Variants in FNIP2 observed in about 807,000 individuals in gnomAD.
The protein encoded by FNIP2 is folliculin-interacting protein 2.
FNIP2 carries 32 observed loss-of-function variants against 108.7 expected under a neutral mutation model. That is an observed-to-expected ratio of 0.29 (90% CI 0.22 to 0.40). The LOEUF (loss-of-function observed/expected upper bound fraction) is 0.40. Among genes scored for constraint, FNIP2 ranks in the 10% least tolerant of loss-of-function variants. FNIP2 has a pLI of 1.00. For missense variants in FNIP2, 1,202 were observed against 1,381.6 expected (o/e 0.87, Z 2.06); for synonymous variants, 480 against 496.7 (o/e 0.97, Z 0.45).
In FNIP2 at chr4:158,825,961, T is replaced by C; in HGVS notation, c.153T>C (p.Val51=). 5.0e-6 allele frequency: 8 copies of C among 1,609,154 alleles called. No individual in the cohort carries two copies. The highest frequency in any genetic ancestry group is 6.8e-6 in the Non-Finnish European group (8 of 1,175,886). Residue 51 remains valine, a synonymous_variant, in exon 2 of 17, where the codon GTT becomes GTC. Transcript: ENST00000264433. The stretch of plus-strand genomic sequence containing the variant: ...ACCTGAATGAGATTCGCCTGATAGT[T>C]TACCAGGACTGTGACAGGAGAGGCA... The part of the protein sequence containing the change: ...EFDLNEIRLI[V]YQDCDRRGRQ...
At chr4:158,881,113 T>C (rs1781565387) in intron 14 of FNIP2, among the ~76,000 whole-genome samples, 1 of 152,196 alleles carries the variant, frequency 6.6e-6, no homozygotes. Context: ...GTATTAAACT[T>C]ACCAGAATTA....
At position 158,816,071 on chromosome 4, in the gene FNIP2, G is replaced by GTA. The variant is rs144424478; in HGVS notation, c.108-9831_108-9830dup. ...TAGAAGTGAACTTGCTGGGTCACGA[G>GTA]TATATATATATATATTTATTTTAAC... On this transcript the variant is annotated intron_variant, in intron 1 of 16. Transcript: ENST00000264433. Among the ~76,000 whole-genome samples, 787 of 150,850 alleles carry GTA rather than the reference G, an allele frequency of 5.2e-3. 3 individuals carry two copies. In the Middle Eastern group the frequency reaches 0.052, roughly 10 times the overall value.
At position 158,855,742 on chromosome 4, in the gene FNIP2, G is replaced by A. The variant is rs541995234; in HGVS notation, c.858-3315G>A. Among the ~76,000 whole-genome samples the A allele has an allele frequency of 1.1e-4, 17 of 152,246 alleles. 1 individual carries two copies. Among genetic ancestry groups the A allele is most frequent in the East Asian group, 5.8e-4 (3 of 5,174 alleles). ...ATTACAGGCGTGAGCCACTGCACCC[G>A]GCCTAAGATCCCTTCATTTAAAGGA... On this transcript the variant is annotated intron_variant, in intron 8 of 16. Coordinates refer to ENST00000264433, the MANE Select transcript of FNIP2 (RefSeq NM_020840.3).
chr4:158,803,000 A>G (rs1776811903), intron 1 of FNIP2, among the ~76,000 whole-genome samples: 1 of 152,186 alleles, frequency 6.6e-6, no homozygotes, highest in Non-Finnish European at 1.5e-5. Context: ...TACATATACC[A>G]CATGGATTCA....
chr4:158,860,557 CT>C (rs946669395), intron 10 of FNIP2, among the ~76,000 whole-genome samples: 3 of 151,996 alleles, frequency 2.0e-5, no homozygotes, highest in Admixed American at 2.0e-4. Context: ...ATTAGTAAAC[CT>C]TCCATAGTTT....
intron 1 of FNIP2, among the ~76,000 whole-genome samples, chr4:158,786,450 T>C (rs555117602): frequency 3.3e-5 from 5 of 152,316 alleles, no homozygotes; most frequent in Admixed American, 3.3e-4. Context: ...TGGTGTCTCA[T>C]GGCCAGAGTT....
chr4:158,869,493 C>T, intron 13 of FNIP2, 65 bp downstream of exon 13: 1 of 1,477,424 alleles, frequency 6.8e-7, no homozygotes, highest in Non-Finnish European at 8.9e-7. Context: ...GGCCTGACAC[C>T]TGTGATGTTG....
At chr4:158,866,472 C>T (rs1207573246) in intron 12 of FNIP2, among the ~76,000 whole-genome samples, 3 of 151,468 alleles carry the variant, frequency 2.0e-5, no homozygotes, top group African/African-American at 7.3e-5. Context: ...CCCACCTCGG[C>T]CTCCCAAAGT....
intron 1 of FNIP2, among the ~76,000 whole-genome samples, chr4:158,789,103 T>C (rs901545875): frequency 1.3e-5 from 2 of 152,234 alleles, no homozygotes; most frequent in Admixed American, 1.3e-4. Flanking sequence ...AGAAGGAGTT[T>C]GCTGTGCTGC....
intron 1 of FNIP2, among the ~76,000 whole-genome samples, chr4:158,815,527 C>T (rs930977839): frequency 2.6e-5 from 4 of 152,110 alleles, no homozygotes; most frequent in South Asian, 4.2e-4. Flanking sequence ...GGACTACAGG[C>T]GCCCGCCACC....
At chr4:158,777,504 T>C (rs1179777991) in intron 1 of FNIP2, among the ~76,000 whole-genome samples, 3 of 152,188 alleles carry the variant, frequency 2.0e-5, no homozygotes, top group African/African-American at 7.2e-5. Flanking sequence ...GACTAACATA[T>C]CATTAATGGT....
chr4:158,806,975 A>G (rs1293413299), intron 1 of FNIP2, among the ~76,000 whole-genome samples: 1 of 152,228 alleles, frequency 6.6e-6, no homozygotes, highest in Non-Finnish European at 1.5e-5. Context: ...TAGCATACTT[A>G]TAATATTCTT....
intron 14 of FNIP2, among the ~76,000 whole-genome samples, chr4:158,875,272 G>C (rs1210893746): frequency 6.6e-6 from 1 of 151,834 alleles, no homozygotes; most frequent in Admixed American, 6.6e-5. Flanking sequence ...GAGCAGACTG[G>C]ACAGCTCTAA....
At chr4:158,782,490 T>C (rs555544307) in intron 1 of FNIP2, among the ~76,000 whole-genome samples, 1 of 151,952 alleles carries the variant, frequency 6.6e-6, no homozygotes, top group African/African-American at 2.4e-5. Flanking sequence ...ACTATCTCTT[T>C]TTGTATCTTT....
chr4:158,792,310 C>T (rs868821066), intron 1 of FNIP2, among the ~76,000 whole-genome samples: 1 of 152,062 alleles, frequency 6.6e-6, no homozygotes, highest in African/African-American at 2.4e-5. Context: ...AACAGGGTAA[C>T]CCTCTGCTGT....
chr4:158,795,325 T>C (rs1206275134), intron 1 of FNIP2, among the ~76,000 whole-genome samples: 1 of 152,204 alleles, frequency 6.6e-6, no homozygotes, highest in African/African-American at 2.4e-5. Flanking sequence ...AGGAACCACT[T>C]ACTAACTGCC....
chr4:158,887,327 A>G (rs958180001), intron 14 of FNIP2, among the ~76,000 whole-genome samples: 2 of 152,238 alleles, frequency 1.3e-5, no homozygotes, highest in Admixed American at 1.3e-4. Context: ...CTTACTTGAC[A>G]GATTTCACTA....
At chr4:158,789,321 ATGTG>A (rs59554947) in intron 1 of FNIP2, among the ~76,000 whole-genome samples, 53,636 of 150,840 alleles carry the variant, frequency 0.36, 9,827 homozygotes, top group Middle Eastern at 0.42. Flanking sequence ...GTGTGTGTGT[ATGTG>A]TGTGTGTGTG....
chr4:158,899,397 T>C (rs1782993955), intron 16 of FNIP2, among the ~76,000 whole-genome samples: 1 of 152,248 alleles, frequency 6.6e-6, no homozygotes, highest in East Asian at 1.9e-4. Flanking sequence ...TCCCTCTTTT[T>C]CTATTGTTTG....
Sources: allele counts gnomAD v4.1 joint callset (sites outside exome capture counted in the v4.1 genomes callset), GRCh38; gene constraint gnomAD v4.1.1; transcripts MANE v1.5; gene names NCBI Gene and HGNC (gene_info 2026-07-23, HGNC 2026-07-21).